PLA2G12B: variants seen among roughly 807,000 people sequenced by gnomAD.
PLA2G12B encodes the protein group XIIB secretory phospholipase A2-like protein.
In PLA2G12B, 19 loss-of-function variants were observed where a neutral mutation model predicts 22.3. The ratio of observed to expected loss-of-function variants is 0.85; its 90% CI spans 0.60 to 1.25. The LOEUF is 1.25. Among genes scored for constraint, PLA2G12B ranks in the 50% most tolerant of loss-of-function variants. The pLI, the probability that PLA2G12B is intolerant of heterozygous loss-of-function variation, is 0.00. For missense variants in PLA2G12B, 191 were observed against 246.6 expected (o/e 0.77, Z 1.51); for synonymous variants, 81 against 94.9 (o/e 0.85, Z 0.85).
intron 1 of PLA2G12B, among the ~76,000 whole-genome samples, chr10:72,944,763 C>T (rs1048612221): frequency 6.6e-6 from 1 of 152,212 alleles, no homozygotes; most frequent in Non-Finnish European, 1.5e-5. Context: ...TTTCCTGGAA[C>T]CCAGGCTGCT....
At chr10:72,948,727 T>C (rs1018237383) in intron 1 of PLA2G12B, among the ~76,000 whole-genome samples, 1 of 152,246 alleles carries the variant, frequency 6.6e-6, no homozygotes, top group African/African-American at 2.4e-5. Context: ...AGCAGAATAC[T>C]GTTCTAATCT....
chr10:72,952,384 A>C (rs1846546295), intron 1 of PLA2G12B, among the ~76,000 whole-genome samples: 1 of 152,184 alleles, frequency 6.6e-6, no homozygotes, highest in South Asian at 2.1e-4. Flanking sequence ...GCCCAAGCTA[A>C]CTGGGAGGCT....
chr10:72,954,010 G>T (rs1484710923), intron 1 of PLA2G12B, among the ~76,000 whole-genome samples: 1 of 152,232 alleles, frequency 6.6e-6, no homozygotes, highest in Non-Finnish European at 1.5e-5. Flanking sequence ...CAGAGCAGCT[G>T]AGGAGGTGGT....
At chr10:72,943,636 AG>A (rs766215271) in intron 1 of PLA2G12B, among the ~76,000 whole-genome samples, 59 of 152,338 alleles carry the variant, frequency 3.9e-4, no homozygotes, top group Admixed American at 1.0e-3. Flanking sequence ...TGTAGAGAGA[AG>A]CTTTATCAGT....
chr10:72,941,269 G>A lies in PLA2G12B; in HGVS notation c.366C>T (p.Cys122=), dbSNP rs141448551. 32 of 1,613,426 alleles carry A rather than the reference G, an allele frequency of 2.0e-5. No homozygotes were observed. Among genetic ancestry groups the A allele is most frequent in the Non-Finnish European group, 2.5e-5 (29 of 1,179,460 alleles). Residue 122 remains cysteine (C), a synonymous_variant, in exon 3 of 4, where the codon TGC becomes TGT. Coordinates refer to ENST00000373032, the MANE Select transcript of PLA2G12B (RefSeq NM_032562.5). ...CATCACAGCGATATTTGTTGGCACC[G>A]CAAGTGTCATAACAGACATCCAGCT... ...CNQLDVCYDT[C]GANKYRCDAK...
intron 2 of PLA2G12B, among the ~76,000 whole-genome samples, chr10:72,942,149 G>GGTGTGTGTGTGTGT (rs34740594): frequency 2.2e-4 from 30 of 136,038 alleles, no homozygotes; most frequent in African/African-American, 6.0e-4. Flanking sequence ...CAGGGCGTCG[G>GGTGTGTGTGTGTGT]GTGTGTGTGT....
At chr10:72,954,169 A>G (rs1846579030) in intron 1 of PLA2G12B, among the ~76,000 whole-genome samples, 1 of 152,204 alleles carries the variant, frequency 6.6e-6, no homozygotes, top group African/African-American at 2.4e-5. Flanking sequence ...ACTCATTAAA[A>G]TGGCCCAGGG....
chr10:72,942,536 T>A (rs1846379342), intron 2 of PLA2G12B, 116 bp downstream of exon 2: 1 of 782,716 alleles, frequency 1.3e-6, no homozygotes, highest in South Asian at 2.3e-5. Context: ...CAATTTAAAA[T>A]ACTTAATTGT....
At chr10:72,945,195 C>A (rs1207782752) in intron 1 of PLA2G12B, among the ~76,000 whole-genome samples, 1 of 152,190 alleles carries the variant, frequency 6.6e-6, no homozygotes. Flanking sequence ...TCCTGGTATT[C>A]ACCTCCTTGT....
intron 2 of PLA2G12B, 132 bp downstream of exon 2, chr10:72,942,520 C>T (rs1247890257): frequency 6.1e-6 from 4 of 659,086 alleles, no homozygotes; most frequent in Non-Finnish European, 9.4e-6. Context: ...TTCTCTCCCT[C>T]ATATCCAATT....
chr10:72,945,308 G>A (rs1564603409), intron 1 of PLA2G12B, among the ~76,000 whole-genome samples: 1 of 152,054 alleles, frequency 6.6e-6, no homozygotes, highest in Admixed American at 6.6e-5. Context: ...TCTGTCTTGG[G>A]CTCTCTTACT....
chr10:72,944,575 G>T (rs1364084203), intron 1 of PLA2G12B, among the ~76,000 whole-genome samples: 1 of 152,128 alleles, frequency 6.6e-6, no homozygotes, highest in East Asian at 1.9e-4. Flanking sequence ...TATGGACACG[G>T]TATAGTTCTC....
intron 1 of PLA2G12B, among the ~76,000 whole-genome samples, chr10:72,948,068 G>A (rs1846471296): frequency 6.6e-6 from 1 of 152,154 alleles, no homozygotes; most frequent in Admixed American, 6.5e-5. Context: ...TAGAGACGGG[G>A]TTTCACCATG....
intron 3 of PLA2G12B, among the ~76,000 whole-genome samples, chr10:72,938,373 A>T (rs536491439): frequency 9.2e-5 from 14 of 152,246 alleles, no homozygotes; most frequent in East Asian, 7.7e-4. Context: ...GAAAAAATTT[A>T]AAAAATCCAA....
chr10:72,943,480 C>G (rs576448160), intron 1 of PLA2G12B, among the ~76,000 whole-genome samples: 1 of 152,244 alleles, frequency 6.6e-6, no homozygotes, highest in East Asian at 1.9e-4. Context: ...GAAATTCAAG[C>G]AAGATTCCAT....
At chr10:72,942,801 A>T in intron 1 of PLA2G12B, 61 bp from the exon 2 acceptor site, 1 of 1,402,190 alleles carries the variant, frequency 7.1e-7, no homozygotes, top group Admixed American at 2.4e-5. Context: ...GCATTTGGGA[A>T]CATTCATCAA....
chr10:72,941,038 GC>G, intron 3 of PLA2G12B, 130 bp downstream of exon 3: 1 of 1,034,828 alleles, frequency 9.7e-7, no homozygotes, highest in South Asian at 2.1e-5. Flanking sequence ...TTCTTGCTCA[GC>G]CACAGTGTTC....
intron 3 of PLA2G12B, among the ~76,000 whole-genome samples, chr10:72,939,397 T>C (rs1846325329): frequency 6.6e-6 from 1 of 150,810 alleles, no homozygotes; most frequent in Admixed American, 6.6e-5. Flanking sequence ...CTGAGGCCCA[T>C]AAGGAAAAAT....
At chr10:72,937,580 C>A (rs1846297911) in intron 3 of PLA2G12B, among the ~76,000 whole-genome samples, 1 of 152,144 alleles carries the variant, frequency 6.6e-6, no homozygotes, top group Non-Finnish European at 1.5e-5. Flanking sequence ...AAACCAAAGA[C>A]ATCACAAAAA....
Sources: gnomAD v4.1 joint callset for allele counts (sites outside exome capture counted in the v4.1 genomes callset) on GRCh38, gnomAD v4.1.1 for gene constraint, MANE v1.5 for transcripts, NCBI Gene and HGNC (gene_info 2026-07-23, HGNC 2026-07-21) for gene names.